Variants in RAP1GAP2 observed in about 807,000 individuals in gnomAD.
RAP1GAP2 encodes rap1 GTPase-activating protein 2.
Under a neutral mutation model 95.0 loss-of-function variants are expected in RAP1GAP2, and 27 were observed. The observed-to-expected ratio is 0.28, with a 90% CI of 0.21 to 0.39. RAP1GAP2 has a LOEUF of 0.39. Ranked by LOEUF, RAP1GAP2 falls within the 10% of genes least tolerant of loss-of-function variation. The pLI, the probability that RAP1GAP2 is intolerant of heterozygous loss-of-function variation, is 1.00. For missense variants in RAP1GAP2, 771 were observed against 970.0 expected (o/e 0.79, Z 2.72); for synonymous variants, 373 against 380.9 (o/e 0.98, Z 0.24).
At chr17:2,883,378 C>T (rs2073374632) in intron 2 of RAP1GAP2, among the ~76,000 whole-genome samples, 1 of 152,196 alleles carries the variant, frequency 6.6e-6, no homozygotes, top group Non-Finnish European at 1.5e-5. Flanking sequence ...AGGCCTCGCC[C>T]AGCCTTTGCG....
In RAP1GAP2 at chr17:2,871,479, C is replaced by T. The variant is rs1405167558; in HGVS notation, c.81-33805C>T. On this transcript the variant is annotated intron_variant, in intron 2 of 24. Coordinates refer to ENST00000254695, the MANE Select transcript of RAP1GAP2 (RefSeq NM_015085.5). This position sits in a 1 kb window ranked among gnomAD's most constrained non-coding sequence, Gnocchi z 5.0. ...GGTGTTGTGTTACAAGAGTCCTGTC[C>T]AGCGGGAGAGGGGCAGTTCCCTAAA... Among the ~76,000 whole-genome samples, 1 of 152,116 alleles carries T rather than the reference C, an allele frequency of 6.6e-6. No individual in the cohort carries two copies. The highest frequency in any genetic ancestry group is 2.4e-5 in the African/African-American group (1 of 41,420).
At chr17:2,833,361 T>C (rs2070983641) in intron 2 of RAP1GAP2, among the ~76,000 whole-genome samples, 1 of 151,904 alleles carries the variant, frequency 6.6e-6, no homozygotes, top group South Asian at 2.1e-4. Context: ...GGTCTTGAAC[T>C]CCTGACCTCA....
At chr17:2,782,486 C>T (rs764358770) in intron 1 of RAP1GAP2, among the ~76,000 whole-genome samples, 1 of 152,206 alleles carries the variant, frequency 6.6e-6, no homozygotes, top group African/African-American at 2.4e-5. Context: ...TACCTTCATA[C>T]TCTTCCCCAG....
intron 2 of RAP1GAP2, among the ~76,000 whole-genome samples, chr17:2,854,602 A>T (rs1316617639): frequency 6.6e-6 from 1 of 152,210 alleles, no homozygotes; most frequent in Admixed American, 6.5e-5. Flanking sequence ...CCACCGCCAT[A>T]GGGTGACTTT....
intron 2 of RAP1GAP2, among the ~76,000 whole-genome samples, chr17:2,856,815 C>T (rs544001177): frequency 2.3e-4 from 35 of 152,344 alleles, no homozygotes; most frequent in African/African-American, 7.5e-4. Context: ...GGCTTCATCC[C>T]GTTCTTCTGT....
At chr17:2,787,821 C>G (rs1253154505) in intron 1 of RAP1GAP2, among the ~76,000 whole-genome samples, 1 of 152,188 alleles carries the variant, frequency 6.6e-6, no homozygotes, top group Non-Finnish European at 1.5e-5. Context: ...CCCGCCTCGG[C>G]CTCCCAAAGT....
intron 2 of RAP1GAP2, among the ~76,000 whole-genome samples, chr17:2,830,876 G>A (rs2070799302): frequency 1.3e-5 from 2 of 149,636 alleles, no homozygotes; most frequent in Admixed American, 1.3e-4. Context: ...TCACTTTGAG[G>A]TTCTTTCCAG....
At chr17:2,933,980 C>T (rs188295386) in intron 3 of RAP1GAP2, among the ~76,000 whole-genome samples, 254 of 152,346 alleles carry the variant, frequency 1.7e-3, no homozygotes, top group Non-Finnish European at 3.0e-3. Flanking sequence ...AAAATGGGGC[C>T]GATTGCCCCA....
chr17:3,032,577 T>G, intron 24 of RAP1GAP2, 128 bp downstream of exon 24: 1 of 906,686 alleles, frequency 1.1e-6, no homozygotes, highest in Non-Finnish European at 1.8e-6. Context: ...GTCCAAAGAG[T>G]CTCCTACTCG....
In RAP1GAP2 at chr17:2,825,697, T is replaced by A. The variant is rs2070518084; in HGVS notation, c.80+25147T>A. ...GCTAACATAGGAAAAGCACTTAGCA[T>A]GGTGCTTGGCGCAGAGTTAGTGCTC... On this transcript the variant is annotated intron_variant, in intron 2 of 24. Transcript: ENST00000254695. This position sits in a 1 kb window ranked among gnomAD's most constrained non-coding sequence, Gnocchi z 4.1. 6.6e-6 allele frequency among the ~76,000 whole-genome samples: 1 copy of A among 152,096 alleles called. No homozygotes were observed. Among genetic ancestry groups the A allele is most frequent in the Non-Finnish European group, 1.5e-5 (1 of 68,026 alleles).
chr17:2,856,583 G>A (rs535916079), intron 2 of RAP1GAP2, among the ~76,000 whole-genome samples: 52 of 152,314 alleles, frequency 3.4e-4, no homozygotes, highest in Admixed American at 2.9e-3. Flanking sequence ...AGCCATGCAT[G>A]GGCCAAGGGG....
chr17:2,837,445 C>T (rs1421896395), intron 2 of RAP1GAP2, among the ~76,000 whole-genome samples: 5 of 151,732 alleles, frequency 3.3e-5, no homozygotes, highest in Non-Finnish European at 5.9e-5. Flanking sequence ...GGCCTGGGCA[C>T]GGAGCAGGCA....
At chr17:2,924,925 C>G (rs1033524790) in intron 3 of RAP1GAP2, among the ~76,000 whole-genome samples, 2 of 152,192 alleles carry the variant, frequency 1.3e-5, no homozygotes, top group African/African-American at 4.8e-5. Context: ...ACCAGAATTG[C>G]ATCTCATCTC....
Position 2,962,948 on chromosome 17 carries a change from C to T in RAP1GAP2, c.246+234C>T, listed in dbSNP as rs575325294. The T allele has an allele frequency of 5.7e-5, 32 of 558,076 alleles. No individual in the cohort carries two copies. The Admixed American group carries it at 7.4e-4, about 13-fold the overall frequency. 34.6% of individuals were successfully genotyped at this position (558,076 alleles called of 1,614,324 possible). A position where few individuals can be genotyped will look rare whatever the true frequency, so the allele number is the denominator to read the frequency against. The stretch of plus-strand genomic sequence containing the variant: ...CAGAGCAGGCTGGGGGTGGAGGCCT[C>T]GGTGGGACCTCAGGCTTGGCCGTTT... On this transcript the variant is annotated intron_variant, in intron 5 of 24. Transcript: ENST00000254695.
At position 3,020,498 on chromosome 17, in the gene RAP1GAP2, G is replaced by T; in HGVS notation, c.1654G>T (p.Val552Leu). The T allele has an allele frequency of 6.2e-7, 1 of 1,613,792 alleles. No homozygotes were observed. Among genetic ancestry groups the T allele is most frequent in the Non-Finnish European group, 8.5e-7 (1 of 1,179,848 alleles). Residue 552 changes from valine to leucine, a missense_variant, in exon 19 of 25, where the codon GTG becomes TTG. Transcript: ENST00000254695. ...TFSPPVVAAT[V>L]KNQSRSPIKR... ...ACAGCCTCCAGTGGTGGCGGCAACGGTGAAGAACCAGTCACGGAGTCCCAT... is the reference window on the plus strand; with the variant it reads ...ACAGCCTCCAGTGGTGGCGGCAACGTTGAAGAACCAGTCACGGAGTCCCAT...
chr17:3,001,479 C>T (rs71362325), intron 14 of RAP1GAP2, among the ~76,000 whole-genome samples: 3 of 71,954 alleles, frequency 4.2e-5, no homozygotes, highest in East Asian at 3.7e-4. Context: ...AAGTGAGGCT[C>T]GTGGAGGTAA....
chr17:2,769,298 G>A (rs1395982191), intron 1 of RAP1GAP2, among the ~76,000 whole-genome samples: 6 of 132,938 alleles, frequency 4.5e-5, no homozygotes, highest in Non-Finnish European at 7.8e-5. Context: ...GCTCACGCCT[G>A]TAATCCCAGC....
intron 3 of RAP1GAP2, among the ~76,000 whole-genome samples, chr17:2,927,361 GC>G (rs1567787263): frequency 6.6e-6 from 1 of 151,382 alleles, no homozygotes; most frequent in East Asian, 2.0e-4. Context: ...CACCGTGTTA[GC>G]CAGGATGGTC....
At chr17:3,022,323 A>G (rs1210097636) in intron 19 of RAP1GAP2, among the ~76,000 whole-genome samples, 1 of 152,236 alleles carries the variant, frequency 6.6e-6, no homozygotes, top group Non-Finnish European at 1.5e-5. Flanking sequence ...GGGAATGTAA[A>G]ATAGTGCAAC....
Sources: gnomAD v4.1 joint callset for allele counts (sites outside exome capture counted in the v4.1 genomes callset) on GRCh38, gnomAD v4.1.1 for gene constraint, Gnocchi (gnomAD v3.1) non-coding constraint, MANE v1.5 for transcripts, NCBI Gene and HGNC (gene_info 2026-07-23, HGNC 2026-07-21) for gene names.